Variants in LRRC9 observed in about 807,000 individuals in gnomAD.
LRRC9 encodes leucine-rich repeat-containing protein 9.
LRRC9 carries 122 observed loss-of-function variants against 63.2 expected under a neutral mutation model. The observed-to-expected ratio is 1.93, with a 90% confidence interval of 1.67 to 2.24. The LOEUF is 2.24. Among genes scored for constraint, LRRC9 ranks in the 30% most tolerant of loss-of-function variants. The pLI is 0.00. For missense variants in LRRC9, 1,071 were observed against 627.7 expected (o/e 1.71, Z -7.55); for synonymous variants, 366 against 213.1 (o/e 1.72, Z -6.25).
intron 23 of LRRC9, among the ~76,000 whole-genome samples, chr14:60,013,482 A>G (rs922825341): frequency 3.3e-5 from 5 of 152,310 alleles, no homozygotes; most frequent in African/African-American, 1.2e-4. Context: ...CCTTATTGCA[A>G]GTCAACTTGC....
rs1253210263 is a variant in LRRC9 at position 59,919,793 on chromosome 14, G to C, written c.-124G>C. On this transcript the variant is annotated 5_prime_UTR_variant, in exon 1 of 32. Coordinates refer to ENST00000445360, the Ensembl canonical transcript of LRRC9. The surrounding 1 kb of genome is among the most constrained non-coding windows in gnomAD (Gnocchi z 4.5). ...CCCGAGAGCTAAAGATAATGAATGG[G>C]AGAGAGCGAGACTGGAGGAGGTAAC... 6.6e-6 allele frequency: 1 copy of C among 152,452 alleles called. No homozygotes were observed. The highest frequency in any genetic ancestry group is 1.5e-5 in the Non-Finnish European group (1 of 68,216). 9.4% of individuals were successfully genotyped at this position (152,452 alleles called of 1,614,324 possible). A position where few individuals can be genotyped will look rare whatever the true frequency, so the allele number is the denominator to read the frequency against.
chr14:60,045,408 C>T (rs565844675), intron 29 of LRRC9, among the ~76,000 whole-genome samples: 3 of 152,290 alleles, frequency 2.0e-5, no homozygotes, highest in Admixed American at 1.3e-4. Flanking sequence ...AGCTATTCTT[C>T]CTGATGGCCT....
At chr14:59,997,972 C>T (rs906470035) in intron 18 of LRRC9, 125 bp downstream of exon 18, 16 of 560,600 alleles carry the variant, frequency 2.9e-5, no homozygotes, top group Admixed American at 1.3e-4. Flanking sequence ...GACTTCCTTC[C>T]TTGAAGTCAT....
rs1032055650 is a variant in LRRC9 at position 60,042,999 on chromosome 14, T to C, written c.3991-10066T>C. Among the ~76,000 whole-genome samples the C allele has an allele frequency of 2.0e-5, 3 of 152,240 alleles. No homozygotes were observed. The highest frequency in any genetic ancestry group is 7.2e-5 in the African/African-American group (3 of 41,466). The stretch of plus-strand genomic sequence containing the variant: ...TCAGAGGTTTATAGTTTTCCTTGCA[T>C]AGATCTTTCACTTCTTTGGTTAGAT... On this transcript the variant is annotated intron_variant, in intron 29 of 31. Coordinates refer to ENST00000445360, the Ensembl canonical transcript of LRRC9. This position sits in a 1 kb window ranked among gnomAD's most constrained non-coding sequence, Gnocchi z 4.2.
chr14:60,023,658 T>A (rs974854009), intron 27 of LRRC9, among the ~76,000 whole-genome samples: 3 of 152,170 alleles, frequency 2.0e-5, no homozygotes, highest in African/African-American at 7.2e-5. Flanking sequence ...GTAATTTTTT[T>A]ATTATACTTC....
chr14:59,944,743 CT>C lies in LRRC9; in HGVS notation c.882del (p.Leu295TrpfsTer24), dbSNP rs756126527. Reference sequence around the variant, plus strand: ...AAATTATTCAGCTTTGTGAAGAAAACTGTAAGATTTAATAATGTAAAATCCC... The same window carrying C: ...AAATTATTCAGCTTTGTGAAGAAAACGTAAGATTTAATAATGTAAAATCCC... On this transcript the variant is annotated frameshift_variant and splice_region_variant, in exon 8 of 32. Coordinates refer to ENST00000445360, the Ensembl canonical transcript of LRRC9. LOFTEE classifies it high-confidence loss of function. 2 of 662,578 alleles carry C rather than the reference CT, an allele frequency of 3.0e-6. No homozygotes were observed. The highest frequency in any genetic ancestry group is 5.4e-6 in the Non-Finnish European group (2 of 371,728). The allele number at this position is 662,578 out of a possible 1,614,324, so 41.0% of individuals were successfully genotyped here. A position where few individuals can be genotyped will look rare whatever the true frequency, so the allele number is the denominator to read the frequency against.
Position 59,962,084 on chromosome 14 carries a change from A to G in LRRC9, c.1211+1039A>G, listed in dbSNP as rs1446517847. Among the ~76,000 whole-genome samples the G allele has an allele frequency of 1.3e-5, 2 of 152,146 alleles. No homozygotes were observed. The highest frequency in any genetic ancestry group is 1.3e-4 in the Admixed American group (2 of 15,280). ...GGGTTACTTTAAACCAAGTCCCCTG[A>G]TTTCTATTAGACATGGCTTTTTTCT... On this transcript the variant is annotated intron_variant, in intron 10 of 31. Transcript: ENST00000445360. This position sits in a 1 kb window ranked among gnomAD's most constrained non-coding sequence, Gnocchi z 5.1.
intron 8 of LRRC9, 26 bp from the exon 9 acceptor site, chr14:59,959,792 G>T: frequency 1.8e-6 from 1 of 551,778 alleles, no homozygotes; most frequent in Non-Finnish European, 3.2e-6. Context: ...TTTTTATTTT[G>T]CTCTCTGACA....
chr14:60,041,493 G>C (rs1892939977), intron 29 of LRRC9, among the ~76,000 whole-genome samples: 1 of 152,098 alleles, frequency 6.6e-6, no homozygotes, highest in African/African-American at 2.4e-5. Flanking sequence ...TCATTCGTTT[G>C]ATGTTCAATC....
rs898226716 is a variant in LRRC9 at position 60,027,962 on chromosome 14, G to C, written c.3782G>C (p.Arg1261Pro). Residue 1261 changes from arginine to proline, a missense_variant, in exon 28 of 32, where the codon CGA becomes CCA. Arg to Pro is a moderately radical substitution (Grantham distance 103). Coordinates refer to ENST00000445360, the Ensembl canonical transcript of LRRC9. This position sits in a 1 kb window ranked among gnomAD's most constrained non-coding sequence, Gnocchi z 4.0. ...TTGGTAGTGGACCATAACCGCATCC[G>C]ATCATTTAATGACAGTGCTTTTGCC... 1 of 701,756 alleles carries C rather than the reference G, an allele frequency of 1.4e-6. No homozygotes were observed. Among genetic ancestry groups the C allele is most frequent in the Non-Finnish European group, 2.6e-6 (1 of 384,218 alleles). 43.5% of individuals were successfully genotyped at this position (701,756 alleles called of 1,614,324 possible).
At position 60,060,030 on chromosome 14, in the gene LRRC9, T is replaced by C. The variant is rs565953329; in HGVS notation, c.4276+2008T>C. Among the ~76,000 whole-genome samples, 3 of 152,328 alleles carry C rather than the reference T, an allele frequency of 2.0e-5. No individual in the cohort carries two copies. The South Asian group carries it at 6.2e-4, about 32-fold the overall frequency. Reference sequence around the variant, plus strand: ...GTCTGACTCTCTTGTTAGGGGCTAGTGCAGCTGGTGACTTTAAGTTGAATA... The same window carrying C: ...GTCTGACTCTCTTGTTAGGGGCTAGCGCAGCTGGTGACTTTAAGTTGAATA... On this transcript the variant is annotated intron_variant, in intron 31 of 31. Coordinates refer to ENST00000445360, the Ensembl canonical transcript of LRRC9. The surrounding 1 kb of genome is among the most constrained non-coding windows in gnomAD (Gnocchi z 4.0).
In LRRC9 at chr14:59,928,454, A is replaced by G. The variant is rs568198713; in HGVS notation, c.235A>G (p.Lys79Glu). The change falls in exon 3 of 32, where the codon AAA becomes GAA. Residue 79 changes from lysine to glutamate, a missense_variant. Transcript: ENST00000445360. ...AGGGTTAGAGCCTTGTTTACAACTT[A>G]AAGAACTTTGGATTGCTGAGTGCTG... The G allele has an allele frequency of 2.7e-5, 19 of 693,042 alleles. No homozygotes were observed. In the African/African-American group the frequency reaches 3.2e-4, roughly 12 times the overall value. The allele number at this position is 693,042 out of a possible 1,614,324, so 42.9% of individuals were successfully genotyped here. A position where few individuals can be genotyped will look rare whatever the true frequency, so the allele number is the denominator to read the frequency against.
At chr14:59,954,606 C>G (rs960950014) in intron 8 of LRRC9, among the ~76,000 whole-genome samples, 1 of 152,174 alleles carries the variant, frequency 6.6e-6, no homozygotes, top group African/African-American at 2.4e-5. Flanking sequence ...CATCTGCAAA[C>G]AGAGACAATT....
chr14:60,046,800 C>T (rs1169588826), intron 29 of LRRC9, among the ~76,000 whole-genome samples: 2 of 152,132 alleles, frequency 1.3e-5, no homozygotes, highest in Non-Finnish European at 2.9e-5. Flanking sequence ...TGAAGAATGT[C>T]AATGGCAGTT....
At chr14:59,959,096 C>T (rs562964827) in intron 8 of LRRC9, among the ~76,000 whole-genome samples, 2 of 152,196 alleles carry the variant, frequency 1.3e-5, no homozygotes, top group African/African-American at 2.4e-5. Context: ...CTTTAAATTA[C>T]ATAAGGCTGA....
At chr14:59,978,035 G>T (rs745634659) in exon 15 of LRRC9, 1 of 700,826 alleles carries the variant, frequency 1.4e-6, no homozygotes, top group South Asian at 1.5e-5. Context: ...ATGGGACAAA[G>T]AAACTGTGAT....
chr14:60,003,307 C>T lies in LRRC9; in HGVS notation c.2665-314C>T, dbSNP rs1456777924. Among the ~76,000 whole-genome samples, 1 of 152,202 alleles carries T rather than the reference C, an allele frequency of 6.6e-6. No homozygotes were observed. The highest frequency in any genetic ancestry group is 1.5e-5 in the Non-Finnish European group (1 of 68,036). The stretch of plus-strand genomic sequence containing the variant: ...ACCTTGGCAGCTGTCTACAGCAAGG[C>T]AGTCCCTGCAGGGACTGACAGCTGA... On this transcript the variant is annotated intron_variant, in intron 20 of 31. Transcript: ENST00000445360. The surrounding 1 kb of genome is among the most constrained non-coding windows in gnomAD (Gnocchi z 4.2).
At chr14:60,062,166 C>T (rs1206397652) in intron 31 of LRRC9, 1 of 398,494 alleles carries the variant, frequency 2.5e-6, no homozygotes, top group Non-Finnish European at 4.4e-6. Flanking sequence ...CCAGAGCAAC[C>T]AAGATAAGAG....
In LRRC9 at chr14:59,923,065, C is replaced by T. The variant is rs1362034784; in HGVS notation, c.-34+3182C>T. ...CTTAAATGGGCCAGCCCTGAAAGAG[C>T]TTCGAAGAGCAGGAGAGTAGTTACA... On this transcript the variant is annotated intron_variant, in intron 1 of 31. Transcript: ENST00000445360. This position sits in a 1 kb window ranked among gnomAD's most constrained non-coding sequence, Gnocchi z 4.2. Among the ~76,000 whole-genome samples the T allele has an allele frequency of 6.6e-6, 1 of 152,182 alleles. No individual in the cohort carries two copies. Among genetic ancestry groups the T allele is most frequent in the African/African-American group, 2.4e-5 (1 of 41,448 alleles).
Sources: allele counts gnomAD v4.1 joint callset (sites outside exome capture counted in the v4.1 genomes callset), GRCh38; gene constraint gnomAD v4.1.1; non-coding constraint Gnocchi (gnomAD v3.1); transcripts MANE v1.5; gene names NCBI Gene and HGNC (gene_info 2026-07-23, HGNC 2026-07-21).